Variants in EDNRA observed in about 807,000 individuals in gnomAD.
The protein encoded by EDNRA is endothelin-1 receptor.
In EDNRA, 11 loss-of-function variants were observed where a neutral mutation model predicts 41.4. The observed-to-expected ratio is 0.27, with a 90% CI of 0.17 to 0.44. The LOEUF (loss-of-function observed/expected upper bound fraction) is 0.44. Among genes scored for constraint, EDNRA ranks in the 20% least tolerant of loss-of-function variants. The probability of loss-of-function intolerance (pLI) is 1.00; values close to 1 mark genes in which losing one functional copy is unlikely to be tolerated. For missense variants in EDNRA, 294 were observed against 531.0 expected (o/e 0.55, Z 4.39); for synonymous variants, 172 against 183.0 (o/e 0.94, Z 0.49).
intron 2 of EDNRA, among the ~76,000 whole-genome samples, chr4:147,502,479 A>T (rs927725058): frequency 6.6e-6 from 1 of 152,238 alleles, no homozygotes; most frequent in African/African-American, 2.4e-5. Flanking sequence ...AATTATTTCC[A>T]TCTTCAACTT....
intron 4 of EDNRA, among the ~76,000 whole-genome samples, chr4:147,534,628 C>A (rs1386391481): frequency 1.3e-5 from 2 of 152,102 alleles, no homozygotes; most frequent in African/African-American, 4.8e-5. Context: ...ATTATTTATG[C>A]TCTTCAGAAC....
rs887055702 is a variant in EDNRA at position 147,519,685 on chromosome 4, A to C, written c.421-166A>C. On this transcript the variant is annotated intron_variant, in intron 2 of 7. Coordinates refer to ENST00000651419, the MANE Select transcript of EDNRA (RefSeq NM_001957.4). The surrounding 1 kb of genome is among the most constrained non-coding windows in gnomAD (Gnocchi z 4.1). ...CAGACTAAAAATTGCTGAGGCTTTAAAATACGAAAGAAAAAAATAACAATT... is the reference window on the plus strand; with the variant it reads ...CAGACTAAAAATTGCTGAGGCTTTACAATACGAAAGAAAAAAATAACAATT... 6.6e-6 allele frequency among the ~76,000 whole-genome samples: 1 copy of C among 152,034 alleles called. No homozygotes were observed. The highest frequency in any genetic ancestry group is 2.4e-5 in the African/African-American group (1 of 41,412).
chr4:147,537,247 A>G (rs943733638), intron 5 of EDNRA, among the ~76,000 whole-genome samples: 1 of 152,248 alleles, frequency 6.6e-6, no homozygotes, highest in African/African-American at 2.4e-5. Context: ...CAATAGTATT[A>G]TGAGGATCAA....
At chr4:147,511,194 T>C (rs1228410870) in intron 2 of EDNRA, among the ~76,000 whole-genome samples, 1 of 152,184 alleles carries the variant, frequency 6.6e-6, no homozygotes, top group African/African-American at 2.4e-5. Flanking sequence ...TCTAAAACTT[T>C]ATAGTGAATT....
chr4:147,535,056 G>A (rs773781175), intron 4 of EDNRA, among the ~76,000 whole-genome samples: 5 of 152,284 alleles, frequency 3.3e-5, no homozygotes, highest in Non-Finnish European at 7.4e-5. Context: ...TTAACAATCT[G>A]AAGAAGCACT....
At position 147,528,630 on chromosome 4, in the gene EDNRA, G is replaced by A. The variant is rs74559139; in HGVS notation, c.549-3876G>A. Among the ~76,000 whole-genome samples, 403 of 152,148 alleles carry A rather than the reference G, an allele frequency of 2.6e-3. 1 individual carries two copies. The highest frequency in any genetic ancestry group is 8.9e-3 in the African/African-American group (369 of 41,524). ...ATTGCAGGCATGAACCATCGCACCC[G>A]GCTGGGAACTTACATTCTAAAGGAG... On this transcript the variant is annotated intron_variant, in intron 3 of 7. Transcript: ENST00000651419.
At chr4:147,508,060 T>C (rs72959597) in intron 2 of EDNRA, among the ~76,000 whole-genome samples, 7,363 of 152,280 alleles carry the variant, frequency 0.048, 577 homozygotes, top group African/African-American at 0.17. Flanking sequence ...GATGTATGAT[T>C]TGCAAATATT....
chr4:147,539,925 G>A lies in EDNRA; in HGVS notation c.1009G>A (p.Asp337Asn). ...ILKKTVYNEMDKNRCELLSFL... is the reference protein window; with the variant it reads ...ILKKTVYNEMNKNRCELLSFL... ...GAAGAAAACTGTGTATAACGAGATG[G>A]ACAAGAACCGATGTGAATTACTTAG... Residue 337 changes from aspartate to asparagine, a missense_variant, in exon 6 of 8, where the codon GAC becomes AAC. Asp to Asn is a conservative substitution (Grantham distance 23). Around this residue, in one of 3 missense-constraint regions of EDNRA, gnomAD observed 185 missense variants for 390.8 expected, o/e 0.47. Coordinates refer to ENST00000651419, the MANE Select transcript of EDNRA (RefSeq NM_001957.4). 19 of 1,609,842 alleles carry A rather than the reference G, an allele frequency of 1.2e-5. No individual in the cohort carries two copies. The highest frequency in any genetic ancestry group is 1.5e-5 in the Non-Finnish European group (18 of 1,179,122).
chr4:147,529,004 G>A (rs1003575159), intron 3 of EDNRA, among the ~76,000 whole-genome samples: 4 of 152,194 alleles, frequency 2.6e-5, no homozygotes, highest in African/African-American at 2.4e-5. Flanking sequence ...CGAGGCTGTG[G>A]CAAAGCAAGG....
intron 3 of EDNRA, among the ~76,000 whole-genome samples, chr4:147,525,220 T>C (rs1164644034): frequency 6.6e-6 from 1 of 152,252 alleles, no homozygotes; most frequent in Non-Finnish European, 1.5e-5. Context: ...CTATCAGCTT[T>C]TAATCTGAAT....
Position 147,539,880 on chromosome 4 carries a change from CTTCAT to C in EDNRA, c.967_971del (p.His323LysfsTer10). On this transcript the variant is annotated frameshift_variant, in exon 6 of 8. Transcript: ENST00000651419. LOFTEE classifies it high-confidence loss of function. The stretch of plus-strand genomic sequence containing the variant: ...AATTTTTGCTCTTTGCTGGTTCCCT[CTTCAT>C]TTAAGCCGTATATTGAAGAAAACTG... The C allele has an allele frequency of 6.2e-7, 1 of 1,613,386 alleles. No homozygotes were observed. The highest frequency in any genetic ancestry group is 8.5e-7 in the Non-Finnish European group (1 of 1,179,910).
chr4:147,498,671 G>A (rs772171066), intron 2 of EDNRA, among the ~76,000 whole-genome samples: 1 of 152,150 alleles, frequency 6.6e-6, no homozygotes, highest in Non-Finnish European at 1.5e-5. Flanking sequence ...CAACTGCCCT[G>A]CCCCTTCCTC....
At chr4:147,501,974 C>T (rs537415776) in intron 2 of EDNRA, among the ~76,000 whole-genome samples, 7 of 152,272 alleles carry the variant, frequency 4.6e-5, no homozygotes, top group East Asian at 3.9e-4. Flanking sequence ...TCATTAGCAA[C>T]GTAGGAGTTC....
intron 3 of EDNRA, chr4:147,520,387 CAT>C (rs1730280064): frequency 1.9e-6 from 1 of 518,934 alleles, no homozygotes; most frequent in Admixed American, 1.9e-5. Flanking sequence ...GTAAGTGCAC[CAT>C]ATTGCTATGT....
intron 7 of EDNRA, among the ~76,000 whole-genome samples, chr4:147,541,442 G>T (rs1029962905): frequency 6.6e-6 from 1 of 152,168 alleles, no homozygotes; most frequent in Admixed American, 6.5e-5. Flanking sequence ...AGCCTCGATG[G>T]ACATTACAGC....
chr4:147,487,026 A>G (rs553832305), intron 2 of EDNRA, among the ~76,000 whole-genome samples: 2 of 152,170 alleles, frequency 1.3e-5, no homozygotes, highest in Non-Finnish European at 2.9e-5. Flanking sequence ...AAGCTTCCAA[A>G]TATGGCAGAG....
chr4:147,491,240 T>A (rs1195353320), intron 2 of EDNRA: 2 of 152,244 alleles, frequency 1.3e-5, no homozygotes, highest in Admixed American at 1.3e-4. Context: ...CTCAATATGT[T>A]GCTCTGGCAG....
At chr4:147,530,934 C>A (rs1223756982) in intron 3 of EDNRA, among the ~76,000 whole-genome samples, 1 of 152,120 alleles carries the variant, frequency 6.6e-6, no homozygotes, top group Non-Finnish European at 1.5e-5. Flanking sequence ...GAAAATGTTT[C>A]TTTTCCATTA....
intron 2 of EDNRA, among the ~76,000 whole-genome samples, chr4:147,505,603 T>C (rs144845670): frequency 0.031 from 4,587 of 149,276 alleles, 233 homozygotes; most frequent in African/African-American, 0.11. Context: ...CAGCCTCCCA[T>C]AGTGCTGTGA....
Sources: allele counts gnomAD v4.1 joint callset (sites outside exome capture counted in the v4.1 genomes callset), GRCh38; gene constraint gnomAD v4.1.1; regional missense constraint gnomAD v4.1.1; non-coding constraint Gnocchi (gnomAD v3.1); transcripts MANE v1.5; gene names NCBI Gene and HGNC (gene_info 2026-07-23, HGNC 2026-07-21).